The following RCOR3 variants were observed in gnomAD, a reference collection of about 807,000 sequenced individuals.
RCOR3 encodes the protein REST corepressor 3.
Under a neutral mutation model 64.1 loss-of-function variants are expected in RCOR3, and 13 were observed. The observed-to-expected ratio is 0.20, with a 90% CI of 0.13 to 0.32. RCOR3 has a LOEUF of 0.32. RCOR3 is among the 10% of genes least tolerant of loss of function. The pLI is 1.00. For synonymous variants in RCOR3, 215 were observed against 239.0 expected (o/e 0.90, Z 0.93); for missense variants, 489 against 701.2 (o/e 0.70, Z 3.42).
At chr1:211,290,636 A>G (rs1453794464) in intron 8 of RCOR3, among the ~76,000 whole-genome samples, 1 of 152,010 alleles carries the variant, frequency 6.6e-6, no homozygotes, top group Non-Finnish European at 1.5e-5. Context: ...CCTGCCCCTC[A>G]AAGTGCTGGG....
At chr1:211,272,189 T>C (rs1171112054) in intron 3 of RCOR3, among the ~76,000 whole-genome samples, 1 of 152,220 alleles carries the variant, frequency 6.6e-6, no homozygotes, top group Non-Finnish European at 1.5e-5. Flanking sequence ...AAGGTCTAGC[T>C]GGTAATCTAG....
intron 7 of RCOR3, among the ~76,000 whole-genome samples, chr1:211,284,420 T>C (rs1698244029): frequency 6.6e-6 from 1 of 152,170 alleles, no homozygotes; most frequent in African/African-American, 2.4e-5. Flanking sequence ...ACATTTTCTT[T>C]TGAAAATTTT....
intron 10 of RCOR3, among the ~76,000 whole-genome samples, chr1:211,309,500 G>A (rs1701275958): frequency 6.6e-6 from 1 of 152,076 alleles, no homozygotes; most frequent in Admixed American, 6.5e-5. Flanking sequence ...TTGTTTCATT[G>A]TAACTTTCAA....
chr1:211,279,362 C>T, intron 7 of RCOR3, 46 bp downstream of exon 7: 1 of 1,409,310 alleles, frequency 7.1e-7, no homozygotes, highest in Non-Finnish European at 1.0e-6. Context: ...TACAAATCTG[C>T]TGAAAAAGAA....
intron 8 of RCOR3, chr1:211,291,491 C>G (rs913005062): frequency 1.1e-5 from 5 of 444,360 alleles, no homozygotes; most frequent in African/African-American, 1.0e-4. Flanking sequence ...GAATACTCAA[C>G]CTGGATATGT....
At chr1:211,289,502 C>A in intron 8 of RCOR3, 106 bp downstream of exon 8, 1 of 856,192 alleles carries the variant, frequency 1.2e-6, no homozygotes, top group Admixed American at 2.6e-5. Context: ...TCTCAGCCAT[C>A]CACTTATGCA....
In RCOR3 at chr1:211,263,550, C is replaced by T. The variant is rs192650188; in HGVS notation, c.223+3386C>T. ...TACAGAAGCATGCTAAACCTAAGGACACAATTAAAACTAGCTACCATTTAA... is the reference window on the plus strand; with the variant it reads ...TACAGAAGCATGCTAAACCTAAGGATACAATTAAAACTAGCTACCATTTAA... On this transcript the variant is annotated intron_variant, in intron 2 of 11. Transcript: ENST00000419091. Among the ~76,000 whole-genome samples the T allele has an allele frequency of 1.5e-3, 232 of 152,252 alleles. 1 individual carries two copies. The highest frequency in any genetic ancestry group is 3.7e-3 in the Admixed American group (56 of 15,284).
chr1:211,267,662 G>C lies in RCOR3; in HGVS notation c.224-3570G>C, dbSNP rs1695431031. 2.5e-5 allele frequency: 5 copies of C among 202,978 alleles called. No individual in the cohort carries two copies. In the South Asian group the frequency reaches 2.9e-4, roughly 12 times the overall value. The allele number at this position is 202,978 out of a possible 1,614,324, so 12.6% of individuals were successfully genotyped here. ...GCTGGAGTGCAGTAGTGTGGTCATGGCTCACTGCAGCCTTGAACTCCTGGG... is the reference window on the plus strand; with the variant it reads ...GCTGGAGTGCAGTAGTGTGGTCATGCCTCACTGCAGCCTTGAACTCCTGGG... On this transcript the variant is annotated intron_variant, in intron 2 of 11. Transcript: ENST00000419091.
intron 1 of RCOR3, 163 bp from the exon 2 acceptor site, chr1:211,259,945 C>T (rs1693913071): frequency 7.3e-7 from 1 of 1,375,564 alleles, no homozygotes; most frequent in Non-Finnish European, 9.4e-7. Context: ...CTCCCCGCCC[C>T]CAATCCGCTG....
intron 8 of RCOR3, among the ~76,000 whole-genome samples, chr1:211,294,655 T>C (rs1251683475): frequency 2.8e-5 from 4 of 144,488 alleles, no homozygotes; most frequent in Non-Finnish European, 6.0e-5. Flanking sequence ...AGCGGCGCGA[T>C]CTCAGCTCAC....
rs1251403990 is a variant in RCOR3, at chr1:211,312,166, C to A, written c.1076-554C>A. On this transcript the variant is annotated intron_variant, in intron 10 of 11. Transcript: ENST00000419091. This position sits in a 1 kb window ranked among gnomAD's most constrained non-coding sequence, Gnocchi z 5.0. ...CTGCTTTTCATGTTTAAGTTCTTATCTAATTTCAATTTGTTGGTACCCTGG... is the reference window on the plus strand; with the variant it reads ...CTGCTTTTCATGTTTAAGTTCTTATATAATTTCAATTTGTTGGTACCCTGG... The A allele has an allele frequency of 1.5e-5, 3 of 204,610 alleles. No homozygotes were observed. The highest frequency in any genetic ancestry group is 4.6e-5 in the African/African-American group (2 of 43,516). The allele number at this position is 204,610 out of a possible 1,614,324, so 12.7% of individuals were successfully genotyped here.
intron 2 of RCOR3, among the ~76,000 whole-genome samples, chr1:211,267,115 C>T (rs1695342860): frequency 6.6e-6 from 1 of 152,152 alleles, no homozygotes; most frequent in South Asian, 2.1e-4. Context: ...GTAATGCTTA[C>T]CATATGCCAC....
Position 211,308,004 on chromosome 1 carries a change from G to A in RCOR3, c.1075+3864G>A, listed in dbSNP as rs1572008979. Among the ~76,000 whole-genome samples the A allele has an allele frequency of 2.0e-5, 3 of 149,546 alleles. No homozygotes were observed. In the East Asian group the frequency reaches 5.8e-4, roughly 29 times the overall value. The stretch of plus-strand genomic sequence containing the variant: ...AAGTCTAGAAATTGTCTTCTCTCTT[G>A]TACTAACAAAAAGATAGAAGGGTTT... On this transcript the variant is annotated intron_variant, in intron 10 of 11. Coordinates refer to ENST00000419091, the MANE Select transcript of RCOR3 (RefSeq NM_001136223.3).
At chr1:211,283,898 C>A (rs1361429780) in intron 7 of RCOR3, among the ~76,000 whole-genome samples, 1 of 145,860 alleles carries the variant, frequency 6.9e-6, no homozygotes, top group Non-Finnish European at 1.5e-5. Flanking sequence ...TTATTGAATT[C>A]TTTGTATATT....
intron 4 of RCOR3, among the ~76,000 whole-genome samples, chr1:211,274,646 AC>A (rs1163059989): frequency 2.6e-5 from 4 of 152,046 alleles, no homozygotes; most frequent in African/African-American, 4.8e-5. Flanking sequence ...TTTTAATGAT[AC>A]AGGTAATTCT....
At position 211,315,710 on chromosome 1, in the gene RCOR3, C is replaced by G. The variant is rs1558123109; in HGVS notation, c.*1942C>G. Reference sequence around the variant, plus strand: ...ATATGTCAGTCAAGTTGGTCAGCACCAGCATCTGTCCAGCTGTTCAGTATA... The same window carrying G: ...ATATGTCAGTCAAGTTGGTCAGCACGAGCATCTGTCCAGCTGTTCAGTATA... On this transcript the variant is annotated 3_prime_UTR_variant, in exon 12 of 12. Coordinates refer to ENST00000419091, the MANE Select transcript of RCOR3 (RefSeq NM_001136223.3). The G allele has an allele frequency of 1.3e-5, 2 of 152,254 alleles. No individual in the cohort carries two copies. The highest frequency in any genetic ancestry group is 1.9e-4 in the East Asian group (1 of 5,184). 9.4% of individuals were successfully genotyped at this position (152,254 alleles called of 1,614,324 possible).
intron 9 of RCOR3, among the ~76,000 whole-genome samples, chr1:211,299,231 G>C (rs916759369): frequency 1.2e-4 from 18 of 152,114 alleles, no homozygotes; most frequent in Non-Finnish European, 2.5e-4. Flanking sequence ...AGTAGGGTTG[G>C]GTATTAGTTA....
chr1:211,279,447 C>T (rs1697468755), intron 7 of RCOR3, 131 bp downstream of exon 7: 1 of 601,778 alleles, frequency 1.7e-6, no homozygotes, highest in Non-Finnish European at 2.9e-6. Flanking sequence ...TGTTAATTAG[C>T]AATACAGTCA....
intron 2 of RCOR3, among the ~76,000 whole-genome samples, chr1:211,263,261 C>G (rs1055465998): frequency 7.2e-5 from 11 of 151,824 alleles, no homozygotes; most frequent in African/African-American, 2.7e-4. Context: ...TTTTCTTAAT[C>G]CAGTCTATCA....
Sources: allele counts gnomAD v4.1 joint callset (sites outside exome capture counted in the v4.1 genomes callset), GRCh38; gene constraint gnomAD v4.1.1; non-coding constraint Gnocchi (gnomAD v3.1); transcripts MANE v1.5; gene names NCBI Gene and HGNC (gene_info 2026-07-23, HGNC 2026-07-21).